PCDH7: variants seen among roughly 807,000 people sequenced by gnomAD.
PCDH7 encodes protocadherin-7.
Under a neutral mutation model 58.9 loss-of-function variants are expected in PCDH7, and 17 were observed. That is an observed-to-expected ratio of 0.29 (90% CI 0.20 to 0.43). The LOEUF is 0.43. Among genes scored for constraint, PCDH7 ranks in the 20% least tolerant of loss-of-function variants. The pLI is 1.00. For missense variants in PCDH7, 1,274 were observed against 1,441.0 expected, an observed-to-expected ratio of 0.88 and a Z score of 1.88; for synonymous variants, 664 against 616.4, an observed-to-expected ratio of 1.08 and a Z score of -1.14.
At chr4:30,943,853 C>T (rs944836395) in intron 2 of PCDH7, among the ~76,000 whole-genome samples, 2 of 151,886 alleles carry the variant, frequency 1.3e-5, no homozygotes, top group Non-Finnish European at 2.9e-5. Flanking sequence ...AACTTTACTG[C>T]AAGTTTGGTC....
At chr4:30,894,271 T>C (rs1453377371) in intron 1 of PCDH7, among the ~76,000 whole-genome samples, 1 of 151,226 alleles carries the variant, frequency 6.6e-6, no homozygotes, top group African/African-American at 2.4e-5. Context: ...AAGAACAGCT[T>C]TGCTACTTTT....
At chr4:30,947,409 A>G in intron 2 of PCDH7, among the ~76,000 whole-genome samples, 1 of 152,136 alleles carries the variant, frequency 6.6e-6, no homozygotes, top group African/African-American at 2.4e-5. Flanking sequence ...TGTTATTGTT[A>G]CCAGGTGAAA....
intron 3 of PCDH7, among the ~76,000 whole-genome samples, chr4:31,018,363 A>G (rs1397221011): frequency 6.6e-6 from 1 of 152,202 alleles, no homozygotes; most frequent in African/African-American, 2.4e-5. Flanking sequence ...AGTGAACTAC[A>G]TCTATCTAAG....
At chr4:30,950,893 T>C (rs991868018) in intron 3 of PCDH7, among the ~76,000 whole-genome samples, 16 of 152,310 alleles carry the variant, frequency 1.1e-4, no homozygotes, top group African/African-American at 3.8e-4. Flanking sequence ...AGCTAGGCCC[T>C]CAGGGCTCAA....
At chr4:30,770,671 A>G (rs1026608010) in intron 1 of PCDH7, among the ~76,000 whole-genome samples, 3 of 152,188 alleles carry the variant, frequency 2.0e-5, no homozygotes, top group Non-Finnish European at 4.4e-5. Flanking sequence ...ATAAGCTGGA[A>G]GCCTGCCAAA....
At chr4:31,024,093 T>C (rs1302813301) in intron 3 of PCDH7, among the ~76,000 whole-genome samples, 3 of 152,150 alleles carry the variant, frequency 2.0e-5, no homozygotes, top group Non-Finnish European at 4.4e-5. Flanking sequence ...GGAAGGGTAG[T>C]GATTTGTTTG....
At chr4:30,976,435 C>G (rs1162371425) in intron 3 of PCDH7, among the ~76,000 whole-genome samples, 1 of 148,494 alleles carries the variant, frequency 6.7e-6, no homozygotes, top group African/African-American at 2.5e-5. Context: ...GAGTCTCACC[C>G]TGTCGCCCAG....
intron 3 of PCDH7, among the ~76,000 whole-genome samples, chr4:30,992,283 T>C (rs1285440086): frequency 6.6e-6 from 1 of 152,184 alleles, no homozygotes; most frequent in African/African-American, 2.4e-5. Flanking sequence ...TTTTATTCTT[T>C]ATGGTGGCTC....
intron 1 of PCDH7, among the ~76,000 whole-genome samples, chr4:30,877,623 C>T (rs1213210510): frequency 6.6e-6 from 1 of 152,180 alleles, no homozygotes; most frequent in East Asian, 1.9e-4. Flanking sequence ...TTTCTAATAT[C>T]AGTGCTCAGG....
At chr4:30,992,363 G>A (rs1050891093) in intron 3 of PCDH7, among the ~76,000 whole-genome samples, 1 of 152,052 alleles carries the variant, frequency 6.6e-6, no homozygotes, top group African/African-American at 2.4e-5. Context: ...TTCCTCCACT[G>A]GCCACACAAA....
chr4:30,983,478 A>C (rs1750732387), intron 3 of PCDH7, among the ~76,000 whole-genome samples: 1 of 152,212 alleles, frequency 6.6e-6, no homozygotes, highest in South Asian at 2.1e-4. Context: ...TGTTTAATAA[A>C]AAGCTAACTT....
At chr4:31,129,341 T>G (rs1047417779) in intron 3 of PCDH7, among the ~76,000 whole-genome samples, 1 of 152,078 alleles carries the variant, frequency 6.6e-6, no homozygotes, top group African/African-American at 2.4e-5. Context: ...TGGAACACTG[T>G]TTTGAAGGAC....
chr4:30,846,707 G>A (rs1250154385), intron 1 of PCDH7, among the ~76,000 whole-genome samples: 8 of 152,082 alleles, frequency 5.3e-5, no homozygotes, highest in African/African-American at 1.9e-4. Flanking sequence ...AGAATTGCCT[G>A]TTGAGAACTA....
chr4:30,786,753 C>T, intron 1 of PCDH7: 1 of 983,898 alleles, frequency 1.0e-6, no homozygotes, highest in Non-Finnish European at 1.2e-6. Flanking sequence ...CCATGAACCC[C>T]TCTGGCCACA....
intron 2 of PCDH7, among the ~76,000 whole-genome samples, chr4:30,929,353 C>G (rs1007783665): frequency 6.6e-6 from 1 of 152,022 alleles, no homozygotes; most frequent in Non-Finnish European, 1.5e-5. Context: ...CAATAGGTTG[C>G]TTTGTTTTTA....
intron 1 of PCDH7, among the ~76,000 whole-genome samples, chr4:30,753,831 C>A (rs1718902440): frequency 6.6e-6 from 1 of 152,018 alleles, no homozygotes; most frequent in Non-Finnish European, 1.5e-5. Context: ...CCAGTACTTT[C>A]TGATTTCATT....
At chr4:30,889,276 G>A (rs141606408) in intron 1 of PCDH7, among the ~76,000 whole-genome samples, 182 of 151,870 alleles carry the variant, frequency 1.2e-3, no homozygotes, top group African/African-American at 4.2e-3. Flanking sequence ...AGTAACTGCA[G>A]GCAGTTAACT....
intron 3 of PCDH7, among the ~76,000 whole-genome samples, chr4:31,035,456 G>T (rs1755330285): frequency 1.3e-5 from 2 of 152,006 alleles, no homozygotes; most frequent in African/African-American, 4.8e-5. Context: ...GTTTCACCAC[G>T]TTGGCCAGGC....
At chr4:31,129,047 G>A (rs1304105958) in intron 3 of PCDH7, among the ~76,000 whole-genome samples, 1 of 152,104 alleles carries the variant, frequency 6.6e-6, no homozygotes, top group Non-Finnish European at 1.5e-5. Flanking sequence ...TAATCATCAG[G>A]GATGACAGGT....
Sources: gnomAD v4.1 joint callset for allele counts (sites outside exome capture counted in the v4.1 genomes callset) on GRCh38, gnomAD v4.1.1 for gene constraint, MANE v1.5 for transcripts, NCBI Gene and HGNC (gene_info 2026-07-23, HGNC 2026-07-21) for gene names.